Variants in TRNT1 observed in about 807,000 individuals in gnomAD.
TRNT1 encodes tRNA nucleotidyl transferase 1.
A neutral mutation model predicts 45.6 loss-of-function variants in TRNT1; 44 were observed. That is an observed-to-expected ratio of 0.97 (90% confidence interval 0.76 to 1.24). The LOEUF (loss-of-function observed/expected upper bound fraction) is 1.24. Ranked by LOEUF, TRNT1 falls within the 50% of genes most tolerant of loss-of-function variation. The pLI, the probability that TRNT1 is intolerant of heterozygous loss-of-function variation, is 0.00. For missense variants in TRNT1, 633 were observed against 504.4 expected, an observed-to-expected ratio of 1.25 and a Z score of -2.44; for synonymous variants, 201 against 171.4, an observed-to-expected ratio of 1.17 and a Z score of -1.35.
rs775586520 is a variant in TRNT1, at chr3:3,146,470, C to T, written c.649C>T (p.Pro217Ser). The T allele has an allele frequency of 1.9e-6, 3 of 1,613,696 alleles. No homozygotes were observed. Among genetic ancestry groups the T allele is most frequent in the Admixed American group, 1.7e-5 (1 of 59,982 alleles). The change falls in exon 6 of 8, where the codon CCT (proline) becomes TCT (serine). Residue 217 changes from proline to serine, a missense_variant. By Grantham distance (74) the Pro-to-Ser change is moderately conservative. Coordinates refer to ENST00000251607, the MANE Select transcript of TRNT1 (RefSeq NM_182916.3). ...RIVDKPGDHD[P>S]ETLEAIAENA... is the part of the protein sequence containing the mutation. ...TGTAGACAAACCTGGTGACCATGAT[C>T]CTGAGACTTTGGAAGCAATTGCAGA...
chr3:3,137,428 A>G lies in TRNT1; in HGVS notation c.317A>G (p.Glu106Gly). Residue 106 changes from glutamate to glycine, a missense_variant, in exon 3 of 8, where the codon GAA becomes GGA. Glu to Gly is a moderately conservative substitution (Grantham distance 98, BLOSUM62 -2). Transcript: ENST00000251607. The stretch of plus-strand genomic sequence containing the variant: ...ATTCGGATGATAAACAACAGAGGAG[A>G]AAAGCACGGAACAATTACTGCCAGG... ...AGIRMINNRGEKHGTITARLH... is the reference protein window; with the variant it reads ...AGIRMINNRGGKHGTITARLH... 1 of 1,612,056 alleles carries G rather than the reference A, an allele frequency of 6.2e-7. No individual in the cohort carries two copies. The highest frequency in any genetic ancestry group is 8.5e-7 in the Non-Finnish European group (1 of 1,179,248).
downstream of TRNT1, among the ~76,000 whole-genome samples, chr3:3,152,290 G>T (rs1706617643): frequency 6.6e-6 from 1 of 151,840 alleles, no homozygotes; most frequent in Non-Finnish European, 1.5e-5. Flanking sequence ...GCAGCTGGGA[G>T]TACAGACCCC....
downstream of TRNT1, chr3:3,150,765 A>ATGT (rs1575075383): frequency 1.2e-5 from 13 of 1,129,244 alleles, no homozygotes; most frequent in East Asian, 3.3e-4. Context: ...TTAGGTATTA[A>ATGT]TGTTATGTTT....
intron 4 of TRNT1, 119 bp downstream of exon 4, chr3:3,140,767 T>A: frequency 7.7e-7 from 1 of 1,305,904 alleles, no homozygotes; most frequent in East Asian, 2.4e-5. Context: ...TTCTAAGAGA[T>A]GGTTTAGCAG....
chr3:3,152,278 G>A (rs980951104), downstream of TRNT1, among the ~76,000 whole-genome samples: 3 of 151,446 alleles, frequency 2.0e-5, no homozygotes, highest in Admixed American at 6.6e-5. Context: ...TCAGCATCCC[G>A]AGCAGCTGGG....
Position 3,136,904 on chromosome 3 carries a change from G to C in TRNT1, c.149-356G>C. The C allele has an allele frequency of 7.3e-6, 2 of 275,642 alleles. 1 individual carries two copies. Among genetic ancestry groups the C allele is most frequent in the South Asian group, 6.7e-5 (2 of 30,028 alleles). 17.1% of individuals were successfully genotyped at this position (275,642 alleles called of 1,614,324 possible). On this transcript the variant is annotated intron_variant, in intron 2 of 7. Coordinates refer to ENST00000251607, the MANE Select transcript of TRNT1 (RefSeq NM_182916.3). ...GGGCTCAAGTGATCTTTTCACCTCAGCCTCCCAAAGTATCAGGATTACAGA... is the reference window on the plus strand; with the variant it reads ...GGGCTCAAGTGATCTTTTCACCTCACCCTCCCAAAGTATCAGGATTACAGA...
chr3:3,133,702 C>T (rs1018831288), intron 2 of TRNT1, among the ~76,000 whole-genome samples: 1 of 152,040 alleles, frequency 6.6e-6, no homozygotes, highest in Admixed American at 6.6e-5. Flanking sequence ...GGGGTGATAG[C>T]GCTCAGTGTT....
At chr3:3,144,487 A>AT in intron 4 of TRNT1, 97 bp from the exon 5 acceptor site, 1 of 1,223,722 alleles carries the variant, frequency 8.2e-7, no homozygotes, top group Non-Finnish European at 1.2e-6. Context: ...ACTCTGCTGA[A>AT]TTTTTACTGT....
chr3:3,144,888 T>C lies in TRNT1; in HGVS notation c.608+178T>C, dbSNP rs17027346. Reference sequence around the variant, plus strand: ...TGAAAATTACTTAGCTACTTCATATTGTATTTTCATTCCCAGAACGCACAT... The same window carrying C: ...TGAAAATTACTTAGCTACTTCATATCGTATTTTCATTCCCAGAACGCACAT... On this transcript the variant is annotated intron_variant, in intron 5 of 7. Coordinates refer to ENST00000251607, the MANE Select transcript of TRNT1 (RefSeq NM_182916.3). 8.5e-3 allele frequency: 3,532 copies of C among 414,982 alleles called. 99 individuals carry two copies. The highest frequency in any genetic ancestry group is 0.065 in the African/African-American group (3,155 of 48,310). 25.7% of individuals were successfully genotyped at this position (414,982 alleles called of 1,614,324 possible). A position where few individuals can be genotyped will look rare whatever the true frequency, so the allele number is the denominator to read the frequency against.
At chr3:3,146,709 T>A in intron 6 of TRNT1, 86 bp downstream of exon 6, 1 of 1,246,120 alleles carries the variant, frequency 8.0e-7, no homozygotes, top group Non-Finnish European at 1.1e-6. Flanking sequence ...TTGACTCATT[T>A]GGTTGAAGAA....
chr3:3,142,858 T>C (rs1001401208), intron 4 of TRNT1, among the ~76,000 whole-genome samples: 2 of 150,706 alleles, frequency 1.3e-5, no homozygotes, highest in Non-Finnish European at 2.9e-5. Context: ...ATATTTTCTT[T>C]TTATCATTTT....
In TRNT1 at chr3:3,147,983, G is replaced by A; in HGVS notation, c.1134G>A (p.Met378Ile). The A allele has an allele frequency of 6.2e-7, 1 of 1,614,022 alleles. No individual in the cohort carries two copies. The highest frequency in any genetic ancestry group is 8.5e-7 in the Non-Finnish European group (1 of 1,179,902). The change falls in exon 8 of 8, where the codon ATG (methionine) becomes ATA (isoleucine). Residue 378 changes from methionine to isoleucine, a missense_variant. Physicochemically the swap from Met to Ile is conservative, Grantham distance 10. Transcript: ENST00000251607. ...YQGEHCLLKE[M>I]QQWSIPPFPV... ...GAGAGCACTGTCTCCTAAAGGAAAT[G>A]CAGCAGTGGTCCATTCCTCCATTTC... is the stretch of plus-strand genomic sequence containing the variant.
At chr3:3,141,847 G>T (rs1330399186) in intron 4 of TRNT1, among the ~76,000 whole-genome samples, 4 of 152,190 alleles carry the variant, frequency 2.6e-5, no homozygotes, top group African/African-American at 9.7e-5. Context: ...AGTAATGACA[G>T]ATACAATTTC....
chr3:3,143,703 C>A (rs1468946564), intron 4 of TRNT1, among the ~76,000 whole-genome samples: 2 of 38,896 alleles, frequency 5.1e-5, no homozygotes, highest in Non-Finnish European at 2.5e-4. Context: ...CTTGCCGAAA[C>A]CCTGTCTCTA....
chr3:3,153,306 C>T, downstream of TRNT1: 2 of 672,294 alleles, frequency 3.0e-6, no homozygotes. Context: ...CCCTATATTT[C>T]ATTTGCTAAA....
downstream of TRNT1, among the ~76,000 whole-genome samples, chr3:3,151,827 G>GCAAACAAA (rs10659250): frequency 0.8 from 117,749 of 147,614 alleles, 46,958 homozygotes; most frequent in East Asian, 0.95. Context: ...TTAAGCTGAA[G>GCAAACAAA]CAAACAAACA....
At chr3:3,145,602 C>G (rs1575063096) in intron 5 of TRNT1, 1 of 151,618 alleles carries the variant, frequency 6.6e-6, no homozygotes, top group Non-Finnish European at 1.5e-5. Flanking sequence ...ATGTCACACA[C>G]TAACCTTTTT....
intron 3 of TRNT1, among the ~76,000 whole-genome samples, chr3:3,139,430 T>C (rs183084573): frequency 1.3e-5 from 2 of 152,310 alleles, no homozygotes; most frequent in African/African-American, 2.4e-5. Flanking sequence ...GTTAACGGCT[T>C]TCACTTCCTA....
chr3:3,137,516 T>C, intron 3 of TRNT1, 63 bp downstream of exon 3: 1 of 1,408,512 alleles, frequency 7.1e-7, no homozygotes, highest in South Asian at 1.4e-5. Flanking sequence ...AACTTAATTT[T>C]CTCTAGTTAA....
Sources: gnomAD v4.1 joint callset for allele counts (sites outside exome capture counted in the v4.1 genomes callset) on GRCh38, gnomAD v4.1.1 for gene constraint, MANE v1.5 for transcripts, NCBI Gene and HGNC (gene_info 2026-07-23, HGNC 2026-07-21) for gene names.